The following GAB2 variants were observed in gnomAD, a reference collection of about 807,000 sequenced individuals.
GAB2 encodes GRB2-associated-binding protein 2.
In GAB2, 26 loss-of-function variants were observed where a neutral mutation model predicts 65.5. That is an observed-to-expected ratio of 0.40 (90% CI 0.29 to 0.55). The LOEUF (loss-of-function observed/expected upper bound fraction) is 0.55. Among genes scored for constraint, GAB2 ranks in the 20% least tolerant of loss-of-function variants. The pLI, the probability that GAB2 is intolerant of heterozygous loss-of-function variation, is 0.53. For missense variants in GAB2, 884 were observed against 875.8 expected (o/e 1.01, Z -0.12); for synonymous variants, 321 against 329.6 (o/e 0.97, Z 0.28).
At chr11:78,408,349 A>G (rs1857081952) in intron 1 of GAB2, among the ~76,000 whole-genome samples, 1 of 152,212 alleles carries the variant, frequency 6.6e-6, no homozygotes, top group African/African-American at 2.4e-5. Context: ...TGACTGTTGT[A>G]TGTACAGTAT....
At position 78,220,310 on chromosome 11, in the gene GAB2, T is replaced by G. The variant is rs746847812; in HGVS notation, c.1887+9A>C. On this transcript the variant is annotated intron_variant, in intron 9 of 9. Coordinates refer to ENST00000361507, the MANE Select transcript of GAB2 (RefSeq NM_080491.3). Reference sequence around the variant, plus strand: ...GCTCTTACTGCCCCCCCAACTCTACTCCAGGCACCTTGCGGTGGGGGCTTG... The same window carrying G: ...GCTCTTACTGCCCCCCCAACTCTACGCCAGGCACCTTGCGGTGGGGGCTTG... The G allele has an allele frequency of 2.2e-5, 35 of 1,611,880 alleles. No homozygotes were observed. Among genetic ancestry groups the G allele is most frequent in the Non-Finnish European group, 3.4e-6 (4 of 1,179,720 alleles).
intron 1 of GAB2, among the ~76,000 whole-genome samples, chr11:78,345,794 C>T (rs1856170403): frequency 6.6e-6 from 1 of 152,154 alleles, no homozygotes; most frequent in Admixed American, 6.5e-5. Flanking sequence ...GAAAATGATG[C>T]CAGCTGGAAG....
At chr11:78,253,420 T>A (rs1267843415) in intron 2 of GAB2, among the ~76,000 whole-genome samples, 1 of 152,164 alleles carries the variant, frequency 6.6e-6, no homozygotes, top group South Asian at 2.1e-4. Context: ...GCCTCCGGAA[T>A]AGCCAGGAAT....
chr11:78,303,156 T>C (rs1336624634), intron 1 of GAB2, among the ~76,000 whole-genome samples: 1 of 152,196 alleles, frequency 6.6e-6, no homozygotes, highest in African/African-American at 2.4e-5. Flanking sequence ...AACTTACTCA[T>C]GTAACCAAAT....
chr11:78,347,148 C>T (rs1265682844), intron 1 of GAB2, among the ~76,000 whole-genome samples: 1 of 152,138 alleles, frequency 6.6e-6, no homozygotes, highest in East Asian at 1.9e-4. Context: ...CAGTATAAGA[C>T]TCCTTATCAA....
At chr11:78,284,153 G>A (rs539930167) in intron 1 of GAB2, among the ~76,000 whole-genome samples, 9 of 152,238 alleles carry the variant, frequency 5.9e-5, no homozygotes, top group Non-Finnish European at 8.8e-5. Flanking sequence ...TATCATAGCT[G>A]ACTCCTTTCA....
chr11:78,391,447 T>C (rs1460730934), intron 1 of GAB2, among the ~76,000 whole-genome samples: 1 of 152,242 alleles, frequency 6.6e-6, no homozygotes, highest in Non-Finnish European at 1.5e-5. Flanking sequence ...AGTAACACTA[T>C]GTGACTTCTA....
intron 1 of GAB2, among the ~76,000 whole-genome samples, chr11:78,386,685 G>A (rs1856772401): frequency 6.6e-6 from 1 of 152,168 alleles, no homozygotes; most frequent in Non-Finnish European, 1.5e-5. Context: ...AGGGCCCTGT[G>A]ACCTCTTAGC....
intron 1 of GAB2, among the ~76,000 whole-genome samples, chr11:78,318,970 T>C (rs940040491): frequency 6.6e-6 from 1 of 152,148 alleles, no homozygotes; most frequent in Admixed American, 6.5e-5. Flanking sequence ...CACAGCATTA[T>C]CCCAGCAACC....
intron 1 of GAB2, among the ~76,000 whole-genome samples, chr11:78,405,626 A>T (rs1857033489): frequency 6.6e-6 from 1 of 152,224 alleles, no homozygotes; most frequent in East Asian, 1.9e-4. Context: ...ACTTTTCCCT[A>T]TTCCCACCAC....
chr11:78,255,527 C>T (rs1865572151), intron 2 of GAB2, among the ~76,000 whole-genome samples: 1 of 152,132 alleles, frequency 6.6e-6, no homozygotes, highest in African/African-American at 2.4e-5. Context: ...TGGCCGAGTA[C>T]CCCTGCTACT....
At chr11:78,251,439 T>C (rs1173942556) in intron 2 of GAB2, among the ~76,000 whole-genome samples, 2 of 152,226 alleles carry the variant, frequency 1.3e-5, no homozygotes, top group African/African-American at 2.4e-5. Flanking sequence ...TAATAGCTTA[T>C]AGTACTACAC....
chr11:78,241,997 C>A (rs1243610267), intron 3 of GAB2, among the ~76,000 whole-genome samples: 1 of 152,062 alleles, frequency 6.6e-6, no homozygotes, highest in Non-Finnish European at 1.5e-5. Context: ...GAGTATAATT[C>A]TTCTCATTAG....
chr11:78,270,200 G>A (rs1865975264), intron 2 of GAB2, among the ~76,000 whole-genome samples: 1 of 152,032 alleles, frequency 6.6e-6, no homozygotes, highest in Non-Finnish European at 1.5e-5. Flanking sequence ...GGTAGTGTGC[G>A]CCTGTAATCC....
At chr11:78,405,856 A>C (rs1591092739) in intron 1 of GAB2, among the ~76,000 whole-genome samples, 1 of 152,098 alleles carries the variant, frequency 6.6e-6, no homozygotes, top group East Asian at 1.9e-4. Flanking sequence ...AAAATTCCCA[A>C]AGAAAGTCTG....
intron 2 of GAB2, among the ~76,000 whole-genome samples, chr11:78,273,461 C>G (rs557157034): frequency 6.6e-6 from 1 of 152,234 alleles, no homozygotes; most frequent in African/African-American, 2.4e-5. Context: ...TTTGGACTTG[C>G]ATGGGGCCTG....
At chr11:78,350,809 T>TAAA (rs1565169753) in intron 1 of GAB2, among the ~76,000 whole-genome samples, 3 of 152,232 alleles carry the variant, frequency 2.0e-5, no homozygotes, top group Non-Finnish European at 4.4e-5. Flanking sequence ...CATGTGCTTT[T>TAAA]GTGCTCATTG....
intron 1 of GAB2, among the ~76,000 whole-genome samples, chr11:78,415,256 G>A (rs548272671): frequency 3.3e-5 from 5 of 152,070 alleles, no homozygotes; most frequent in Non-Finnish European, 7.4e-5. Flanking sequence ...ACATATGCTC[G>A]ATGTATTCTT....
At chr11:78,224,878 G>A (rs1864576154) in intron 5 of GAB2, among the ~76,000 whole-genome samples, 1 of 152,006 alleles carries the variant, frequency 6.6e-6, no homozygotes, top group Non-Finnish European at 1.5e-5. Context: ...CAAGGTTGGT[G>A]AACCTTGTAA....
Sources: gnomAD v4.1 joint callset for allele counts (sites outside exome capture counted in the v4.1 genomes callset) on GRCh38, gnomAD v4.1.1 for gene constraint, MANE v1.5 for transcripts, NCBI Gene and HGNC (gene_info 2026-07-23, HGNC 2026-07-21) for gene names.